The following CNTN5 variants were observed in gnomAD, a reference collection of about 807,000 sequenced individuals.
CNTN5 encodes the protein contactin-5.
In CNTN5, 77 loss-of-function variants were observed where a neutral mutation model predicts 129.1. The ratio of observed to expected loss-of-function variants is 0.60; its 90% confidence interval spans 0.50 to 0.72. CNTN5 has a LOEUF of 0.72. Among genes scored for constraint, CNTN5 ranks in the 30% least tolerant of loss-of-function variants. The pLI is 0.00. For missense variants in CNTN5, 1,478 were observed against 1,328.8 expected, an observed-to-expected ratio of 1.11 and a Z score of -1.75; for synonymous variants, 509 against 465.6, an observed-to-expected ratio of 1.09 and a Z score of -1.20.
intron 6 of CNTN5, among the ~76,000 whole-genome samples, chr11:99,890,518 A>G (rs1949030347): frequency 6.6e-6 from 1 of 152,010 alleles, no homozygotes; most frequent in African/African-American, 2.4e-5. Flanking sequence ...TACATATATG[A>G]CTGAAACATA....
chr11:99,651,914 C>T lies in CNTN5; in HGVS notation c.55+95645C>T, dbSNP rs141987837. ...ATAAAGATTTGAAAAAAAAGTTCTGCGTTAGAAAGGAATGAAATTTACTGA... is the reference window on the plus strand; with the variant it reads ...ATAAAGATTTGAAAAAAAAGTTCTGTGTTAGAAAGGAATGAAATTTACTGA... On this transcript the variant is annotated intron_variant, in intron 3 of 24. Transcript: ENST00000524871. Among the ~76,000 whole-genome samples the T allele has an allele frequency of 1.2e-4, 18 of 152,056 alleles. No individual in the cohort carries two copies. In the East Asian group the frequency reaches 2.5e-3, roughly 21 times the overall value.
chr11:99,968,926 C>A (rs1229836191), intron 8 of CNTN5, among the ~76,000 whole-genome samples: 1 of 151,736 alleles, frequency 6.6e-6, no homozygotes, highest in Non-Finnish European at 1.5e-5. Context: ...TTTTGTTAAT[C>A]TTTTATTTAT....
At chr11:100,076,773 A>G (rs904306839) in intron 13 of CNTN5, among the ~76,000 whole-genome samples, 1 of 152,068 alleles carries the variant, frequency 6.6e-6, no homozygotes, top group Non-Finnish European at 1.5e-5. Context: ...AACTGGCTTT[A>G]TTGAATAACA....
intron 2 of CNTN5, among the ~76,000 whole-genome samples, chr11:99,465,532 G>T (rs1220434266): frequency 6.6e-6 from 1 of 151,812 alleles, no homozygotes; most frequent in East Asian, 1.9e-4. Flanking sequence ...GTTTTCCATA[G>T]GCCTCATTCT....
intron 1 of CNTN5, among the ~76,000 whole-genome samples, chr11:99,298,603 G>A (rs969157594): frequency 3.3e-5 from 5 of 152,158 alleles, no homozygotes; most frequent in Admixed American, 1.3e-4. Context: ...ACAGATGGAA[G>A]AATCTGATAC....
At chr11:99,630,367 A>G (rs1951297459) in intron 3 of CNTN5, among the ~76,000 whole-genome samples, 1 of 151,960 alleles carries the variant, frequency 6.6e-6, no homozygotes, top group South Asian at 2.1e-4. Context: ...CAGGGTTTAT[A>G]AGGAGACTTT....
At position 100,158,074 on chromosome 11, in the gene CNTN5, T is replaced by A. The variant is rs145928794; in HGVS notation, c.1581-33052T>A. On this transcript the variant is annotated intron_variant, in intron 13 of 24. Coordinates refer to ENST00000524871, the MANE Select transcript of CNTN5 (RefSeq NM_014361.4). The stretch of plus-strand genomic sequence containing the variant: ...AAAAGTGGCAACCATTGAGGAAGAC[T>A]AATTTTTTGAAAATCTGTATTAGAA... Among the ~76,000 whole-genome samples the A allele has an allele frequency of 3.3e-3, 506 of 151,912 alleles. 2 individuals carry two copies. The highest frequency in any genetic ancestry group is 8.6e-3 in the African/African-American group (359 of 41,512).
chr11:99,769,580 C>A (rs1053597289), intron 3 of CNTN5, among the ~76,000 whole-genome samples: 3 of 151,944 alleles, frequency 2.0e-5, no homozygotes, highest in African/African-American at 7.3e-5. Context: ...AATTAAGAAT[C>A]ATGATACTCA....
chr11:99,150,961 A>AAAGT (rs1860022992), intron 1 of CNTN5, among the ~76,000 whole-genome samples: 1 of 151,834 alleles, frequency 6.6e-6, no homozygotes, highest in Admixed American at 6.6e-5. Context: ...AGTATGAAAC[A>AAAGT]AAGTAAGTGT....
chr11:99,029,139 A>C (rs1863239952), intron 1 of CNTN5, among the ~76,000 whole-genome samples: 2 of 151,842 alleles, frequency 1.3e-5, no homozygotes, highest in Non-Finnish European at 2.9e-5. Context: ...ATAGTATTAA[A>C]ATCATTAAAG....
intron 13 of CNTN5, among the ~76,000 whole-genome samples, chr11:100,190,883 C>CA (rs1258861058): frequency 6.6e-6 from 1 of 151,878 alleles, no homozygotes; most frequent in Non-Finnish European, 1.5e-5. Context: ...AATTAACTGT[C>CA]AAAAAATGTC....
intron 3 of CNTN5, among the ~76,000 whole-genome samples, chr11:99,680,384 T>A (rs1239428913): frequency 1.3e-5 from 2 of 152,138 alleles, no homozygotes; most frequent in African/African-American, 2.4e-5. Flanking sequence ...CCAGTGCTCA[T>A]ATACCATTCC....
intron 1 of CNTN5, among the ~76,000 whole-genome samples, chr11:99,271,670 C>T (rs758150774): frequency 5.3e-5 from 8 of 151,844 alleles, no homozygotes; most frequent in Non-Finnish European, 1.2e-4. Flanking sequence ...GATCCAAAGG[C>T]TTAACTAGAG....
At chr11:99,203,965 CTT>C (rs570196299) in intron 1 of CNTN5, among the ~76,000 whole-genome samples, 17 of 152,114 alleles carry the variant, frequency 1.1e-4, no homozygotes, top group Non-Finnish European at 2.1e-4. Context: ...CTTTTATAAA[CTT>C]ATAAAATTTC....
chr11:99,701,645 ATAT>A (rs1370313408), intron 3 of CNTN5, among the ~76,000 whole-genome samples: 1 of 151,134 alleles, frequency 6.6e-6, no homozygotes. Context: ...TATTTTTAAA[ATAT>A]TATCTCCAAT....
chr11:99,525,186 ATAT>A (rs1201372258), intron 2 of CNTN5, among the ~76,000 whole-genome samples: 1 of 152,096 alleles, frequency 6.6e-6, no homozygotes, highest in Non-Finnish European at 1.5e-5. Flanking sequence ...TTCTAGCAAA[ATAT>A]TATAAACTTT....
intron 12 of CNTN5, among the ~76,000 whole-genome samples, chr11:100,073,698 G>C (rs1172574874): frequency 1.3e-5 from 2 of 151,766 alleles, no homozygotes; most frequent in African/African-American, 2.4e-5. Context: ...AACATTTAAT[G>C]TTTTATAATA....
chr11:99,528,686 G>A (rs1355315776), intron 2 of CNTN5, among the ~76,000 whole-genome samples: 1 of 152,204 alleles, frequency 6.6e-6, no homozygotes, highest in African/African-American at 2.4e-5. Flanking sequence ...TTTGTAGGCT[G>A]AAAGCTTCAG....
intron 1 of CNTN5, among the ~76,000 whole-genome samples, chr11:99,064,893 G>C (rs917481509): frequency 6.6e-6 from 1 of 151,678 alleles, no homozygotes; most frequent in Non-Finnish European, 1.5e-5. Context: ...TATTTCTAAA[G>C]TTTTATTCAA....
Sources: gnomAD v4.1 joint callset for allele counts (sites outside exome capture counted in the v4.1 genomes callset) on GRCh38, gnomAD v4.1.1 for gene constraint, MANE v1.5 for transcripts, NCBI Gene and HGNC (gene_info 2026-07-23, HGNC 2026-07-21) for gene names.